Variants in RNF125 observed in about 807,000 individuals in gnomAD.
RNF125 encodes ring finger protein 125.
RNF125 carries 21 observed loss-of-function variants against 26.0 expected under a neutral mutation model. The ratio of observed to expected loss-of-function variants is 0.81; its 90% confidence interval spans 0.57 to 1.16. RNF125 has a LOEUF of 1.16. Among genes scored for constraint, RNF125 ranks in the 50% most tolerant of loss-of-function variants. RNF125 has a pLI of 0.00. For missense variants in RNF125, 270 were observed against 299.4 expected (o/e 0.90, Z 0.72); for synonymous variants, 95 against 109.2 (o/e 0.87, Z 0.81).
intron 4 of RNF125, among the ~76,000 whole-genome samples, chr18:32,057,559 T>C (rs1375510672): frequency 6.6e-6 from 1 of 152,078 alleles, no homozygotes; most frequent in African/African-American, 2.4e-5. Flanking sequence ...GGTCTCAAAC[T>C]CCTTACCTCA....
chr18:32,087,591 TGTG>T, the RNF125 span, among the ~76,000 whole-genome samples: 1 of 151,864 alleles, frequency 6.6e-6, no homozygotes, highest in Admixed American at 6.6e-5. Context: ...TGTTGATTGT[TGTG>T]GTGCGTGAGA....
chr18:32,032,863 A>G (rs1325178335), intron 1 of RNF125, among the ~76,000 whole-genome samples: 1 of 152,090 alleles, frequency 6.6e-6, no homozygotes. Context: ...AAAAAAAACC[A>G]AAAAAACCCA....
At chr18:32,077,605 C>T (rs562836910), downstream of RNF125, among the ~76,000 whole-genome samples, 81 of 152,144 alleles carry the variant, frequency 5.3e-4, no homozygotes, top group African/African-American at 1.9e-3. Flanking sequence ...AAGTGATCCG[C>T]CCACCTCGGC....
rs2039506677 is a variant in RNF125 at position 32,068,677 on chromosome 18, G to T, written c.*293G>T. 3.4e-6 allele frequency: 1 copy of T among 292,472 alleles called. No homozygotes were observed. Among genetic ancestry groups the T allele is most frequent in the Admixed American group, 4.9e-5 (1 of 20,514 alleles). 18.1% of individuals were successfully genotyped at this position (292,472 alleles called of 1,614,324 possible). The stretch of plus-strand genomic sequence containing the variant: ...GCAAGTAGGTGGAGGATCTCGGTTT[G>T]CAAATTAGATAATACTCTGTGTATA... On this transcript the variant is annotated 3_prime_UTR_variant, in exon 6 of 6. Coordinates refer to ENST00000217740, the MANE Select transcript of RNF125 (RefSeq NM_017831.4).
chr18:32,064,276 C>T (rs923028559), intron 4 of RNF125, among the ~76,000 whole-genome samples: 3 of 151,882 alleles, frequency 2.0e-5, no homozygotes, highest in Admixed American at 6.6e-5. Context: ...TGAGCCACGG[C>T]GCCCAGGGAT....
chr18:32,053,442 G>A (rs2039348100), intron 4 of RNF125, among the ~76,000 whole-genome samples: 1 of 151,916 alleles, frequency 6.6e-6, no homozygotes, highest in African/African-American at 2.4e-5. Context: ...ATTATTTTAG[G>A]GATTCCCTAT....
At chr18:32,088,401 A>G in the RNF125 span, among the ~76,000 whole-genome samples, 1 of 152,222 alleles carries the variant, frequency 6.6e-6, no homozygotes, top group Admixed American at 6.5e-5. Flanking sequence ...GTAGTAAGAT[A>G]AAGCCAGGCC....
intron 2 of RNF125, 95 bp downstream of exon 2, chr18:32,037,364 C>CTTTTTTTT (rs796828237): frequency 6.0e-5 from 8 of 132,854 alleles, no homozygotes; most frequent in Non-Finnish European, 8.8e-5. Flanking sequence ...TGGTACGCAC[C>CTTTTTTTT]TTTTTTTTTT....
intron 1 of RNF125, among the ~76,000 whole-genome samples, chr18:32,027,852 G>T (rs2039052335): frequency 6.6e-6 from 1 of 152,044 alleles, no homozygotes. Context: ...GAAAGAAAGG[G>T]CCAGATGCTT....
downstream of RNF125, among the ~76,000 whole-genome samples, chr18:32,077,471 C>T (rs1053384829): frequency 1.3e-5 from 2 of 151,306 alleles, no homozygotes; most frequent in Non-Finnish European, 1.5e-5. Context: ...AAGCGATTCT[C>T]CTACCTCAGC....
intron 4 of RNF125, among the ~76,000 whole-genome samples, chr18:32,055,979 CAAAA>C (rs67968645): frequency 0.33 from 25,597 of 77,770 alleles, 1,836 homozygotes; most frequent in South Asian, 0.45. Context: ...AACTCCATCT[CAAAA>C]AAAAAAAAAA....
At position 32,026,095 on chromosome 18, in the gene RNF125, T is replaced by C. The variant is rs528424551; in HGVS notation, c.164+7068T>C. The stretch of plus-strand genomic sequence containing the variant: ...TTTTTTTTTTTTTGAGATGGAGTCT[T>C]GCTCTGTTGCCCACGCTGGAGTGCA... On this transcript the variant is annotated intron_variant, in intron 1 of 5. Transcript: ENST00000217740. 3.2e-4 allele frequency among the ~76,000 whole-genome samples: 49 copies of C among 150,978 alleles called. No homozygotes were observed. In the South Asian group the frequency reaches 4.1e-3, roughly 12 times the overall value.
At chr18:32,036,109 G>A (rs893317844) in intron 1 of RNF125, among the ~76,000 whole-genome samples, 5 of 149,906 alleles carry the variant, frequency 3.3e-5, no homozygotes, top group African/African-American at 9.9e-5. Flanking sequence ...AGCTGAGATC[G>A]TGTCATTGCA....
chr18:32,058,502 C>T (rs1008923293), intron 4 of RNF125, among the ~76,000 whole-genome samples: 5 of 151,954 alleles, frequency 3.3e-5, no homozygotes, highest in Non-Finnish European at 5.9e-5. Flanking sequence ...CATGTGACCA[C>T]ACCCAGCTAA....
the RNF125 span, among the ~76,000 whole-genome samples, chr18:32,086,625 A>C: frequency 6.6e-6 from 1 of 151,624 alleles, no homozygotes; most frequent in South Asian, 2.1e-4. Context: ...GGTTCAAGTG[A>C]TTCTCCTGCC....
Position 32,071,244 on chromosome 18 carries a change from C to T in RNF125, c.*2860C>T, listed in dbSNP as rs752542561. ...CCGCCTCCCGGGTTCAAGTGATTCT[C>T]CTGCCTCAGCCTCTCGAGTAGCTGG... On this transcript the variant is annotated 3_prime_UTR_variant, in exon 6 of 6. Transcript: ENST00000217740. The T allele has an allele frequency of 4.6e-5, 7 of 152,322 alleles. No individual in the cohort carries two copies. Among genetic ancestry groups the T allele is most frequent in the Admixed American group, 6.5e-5 (1 of 15,284 alleles). 9.4% of individuals were successfully genotyped at this position (152,322 alleles called of 1,614,324 possible).
intron 1 of RNF125, among the ~76,000 whole-genome samples, chr18:32,036,154 C>CAA (rs59263221): frequency 5.0e-5 from 6 of 120,448 alleles, no homozygotes; most frequent in East Asian, 2.7e-4. Flanking sequence ...GACTCCATCT[C>CAA]AAAAAAAAAA....
At chr18:32,020,034 T>TGTGTGTG (rs2038971615) in intron 1 of RNF125, among the ~76,000 whole-genome samples, 2 of 121,602 alleles carry the variant, frequency 1.6e-5, no homozygotes, top group African/African-American at 7.1e-5. Flanking sequence ...GTGTGTGTGT[T>TGTGTGTG]TGAGAGAGAG....
At position 32,040,417 on chromosome 18, in the gene RNF125, G is replaced by T. The variant is rs541733065; in HGVS notation, c.319-1762G>T. ...CTCCCAAGTAGCTGGGACTATAGGT[G>T]CACACCACCACACCCGGCTAATTTT... is the stretch of plus-strand genomic sequence containing the variant. On this transcript the variant is annotated intron_variant, in intron 2 of 5. Coordinates refer to ENST00000217740, the MANE Select transcript of RNF125 (RefSeq NM_017831.4). Among the ~76,000 whole-genome samples the T allele has an allele frequency of 2.6e-5, 4 of 151,842 alleles. No individual in the cohort carries two copies. The South Asian group carries it at 8.3e-4, about 32-fold the overall frequency.
Sources: gnomAD v4.1 joint callset for allele counts (sites outside exome capture counted in the v4.1 genomes callset) on GRCh38, gnomAD v4.1.1 for gene constraint, MANE v1.5 for transcripts, NCBI Gene and HGNC (gene_info 2026-07-23, HGNC 2026-07-21) for gene names.